The following PRDM15 variants were observed in gnomAD, a reference collection of about 807,000 sequenced individuals.
PRDM15 encodes the protein PR/SET domain 15.
A neutral mutation model predicts 128.6 loss-of-function variants in PRDM15; 64 were observed. The observed-to-expected ratio is 0.50, with a 90% confidence interval of 0.41 to 0.61. PRDM15 has a LOEUF of 0.61. Among genes scored for constraint, PRDM15 ranks in the 20% least tolerant of loss-of-function variants. The pLI is 0.00. For synonymous variants in PRDM15, 615 were observed against 621.8 expected (o/e 0.99, Z 0.16); for missense variants, 1,242 against 1,569.1 (o/e 0.79, Z 3.52).
chr21:41,839,541 T>TCTGCCCC (rs1238274263), intron 7 of PRDM15, 82 bp downstream of exon 7: 2 of 766,992 alleles, frequency 2.6e-6, no homozygotes, highest in Non-Finnish European at 4.3e-6. Context: ...CGCCCCGCCC[T>TCTGCCCC]CTGCCCCCTG....
chr21:41,808,744 T>G (rs1262398460), intron 21 of PRDM15, among the ~76,000 whole-genome samples: 1 of 152,210 alleles, frequency 6.6e-6, no homozygotes, highest in Non-Finnish European at 1.5e-5. Context: ...GTGCACAACG[T>G]ATACTGCTCT....
In PRDM15 at chr21:41,828,386, C is replaced by G; in HGVS notation, c.1367-53G>C. 9 of 1,592,534 alleles carry G rather than the reference C, an allele frequency of 5.7e-6. No homozygotes were observed. Among genetic ancestry groups the G allele is most frequent in the Non-Finnish European group, 6.9e-6 (8 of 1,163,452 alleles). On this transcript the variant is annotated intron_variant, in intron 11 of 23. Coordinates refer to ENST00000398548, the MANE Select transcript of PRDM15 (RefSeq NM_001040424.3). This position sits in a 1 kb window ranked among gnomAD's most constrained non-coding sequence, Gnocchi z 5.7. Reference sequence around the variant, plus strand: ...CGATTTTGAGGTAAATAACATCTCACGCAGGCACGCACGTGTGGCCTGAAC... The same window carrying G: ...CGATTTTGAGGTAAATAACATCTCAGGCAGGCACGCACGTGTGGCCTGAAC...
At chr21:41,847,815 T>G (rs2063314316) in intron 5 of PRDM15, among the ~76,000 whole-genome samples, 1 of 152,248 alleles carries the variant, frequency 6.6e-6, no homozygotes, top group Non-Finnish European at 1.5e-5. Context: ...GGGGCCGCTA[T>G]CCCAGGAAGC....
chr21:41,803,518 G>A (rs888561080), intron 22 of PRDM15, among the ~76,000 whole-genome samples: 1 of 152,184 alleles, frequency 6.6e-6, no homozygotes, highest in Non-Finnish European at 1.5e-5. Flanking sequence ...CAGAGGCCGC[G>A]GGGCAGTGGT....
intron 2 of PRDM15, among the ~76,000 whole-genome samples, chr21:41,860,033 A>T (rs962520462): frequency 6.6e-6 from 1 of 152,184 alleles, no homozygotes; most frequent in Non-Finnish European, 1.5e-5. Context: ...GGCCAATGTT[A>T]GCAGGTTCAT....
At chr21:41,869,888 C>T (rs12151990) in intron 1 of PRDM15, among the ~76,000 whole-genome samples, 26,926 of 152,246 alleles carry the variant, frequency 0.18, 2,684 homozygotes, top group Middle Eastern at 0.24. Flanking sequence ...CTGGCTTCTG[C>T]GCCTCTGTCA....
chr21:41,847,325 G>A (rs2063297956), intron 5 of PRDM15, 134 bp from the exon 6 acceptor site: 3 of 613,560 alleles, frequency 4.9e-6, no homozygotes, highest in Non-Finnish European at 8.6e-6. Context: ...ACGGGCCTGT[G>A]GTCACTCCAC....
intron 1 of PRDM15, chr21:41,871,740 C>G: frequency 8.8e-7 from 1 of 1,130,102 alleles, no homozygotes; most frequent in Non-Finnish European, 1.2e-6. Context: ...GACAGCCAAT[C>G]AGCAGCCTCC....
At chr21:41,852,424 C>A (rs1261092581) in intron 5 of PRDM15, among the ~76,000 whole-genome samples, 1 of 152,222 alleles carries the variant, frequency 6.6e-6, no homozygotes, top group African/African-American at 2.4e-5. Flanking sequence ...CCCAGCCTCG[C>A]AGGACTTGGA....
intron 1 of PRDM15, among the ~76,000 whole-genome samples, chr21:41,863,929 C>T (rs1253942663): frequency 2.0e-5 from 3 of 152,002 alleles, no homozygotes; most frequent in Admixed American, 6.5e-5. Flanking sequence ...CGGCAACCTC[C>T]GCCTCCCAAG....
chr21:41,857,153 T>C, intron 4 of PRDM15, 23 bp downstream of exon 4: 1 of 1,596,420 alleles, frequency 6.3e-7, no homozygotes, highest in Non-Finnish European at 8.6e-7. Context: ...GTTCCTGAGC[T>C]CCTGTTTGGC....
At chr21:41,825,048 G>A (rs2062420726) in intron 13 of PRDM15, among the ~76,000 whole-genome samples, 1 of 152,226 alleles carries the variant, frequency 6.6e-6, no homozygotes, top group Non-Finnish European at 1.5e-5. Context: ...AAAGCCACTT[G>A]AGCGACGTGC....
chr21:41,815,840 C>G lies in PRDM15; in HGVS notation c.2261-4G>C. 1 of 1,613,030 alleles carries G rather than the reference C, an allele frequency of 6.2e-7. No individual in the cohort carries two copies. Among genetic ancestry groups the G allele is most frequent in the Non-Finnish European group, 8.5e-7 (1 of 1,179,814 alleles). ...AGCGCGTGCTTGGTCTTCATGCCTT[C>G]AAGGACACAGCGAGTCAGAGGCGGC... On this transcript the variant is annotated splice_polypyrimidine_tract_variant and splice_region_variant and intron_variant, in intron 18 of 23. Coordinates refer to ENST00000398548, the MANE Select transcript of PRDM15 (RefSeq NM_001040424.3).
chr21:41,804,561 G>A lies in PRDM15; in HGVS notation c.2706C>T (p.Ile902=), dbSNP rs143284535. 5.2e-5 allele frequency: 81 copies of A among 1,571,046 alleles called. No individual in the cohort carries two copies. Among genetic ancestry groups the A allele is most frequent in the East Asian group, 2.3e-4 (10 of 43,190 alleles). The change falls in exon 22 of 24, where the codon ATC becomes ATT. Residue 902 remains isoleucine, a synonymous_variant. Coordinates refer to ENST00000398548, the MANE Select transcript of PRDM15 (RefSeq NM_001040424.3). The stretch of plus-strand genomic sequence containing the variant: ...GGACGATGCCAATGGAGGAGGCGTC[G>A]ATGGTGGTGGTCTCCGGGAGGTGGT... ...DLDHLPETTT[I]DASSIGIVQP...
intron 1 of PRDM15, among the ~76,000 whole-genome samples, chr21:41,866,502 G>C (rs1347694570): frequency 6.6e-6 from 1 of 152,186 alleles, no homozygotes. Context: ...TGGCCAGGCC[G>C]CTGCCTTCCC....
Position 41,879,098 on chromosome 21 carries a change from C to A in PRDM15, c.-10+172G>T. The A allele has an allele frequency of 9.0e-7, 1 of 1,116,766 alleles. No individual in the cohort carries two copies. The highest frequency in any genetic ancestry group is 1.7e-5 in the African/African-American group (1 of 58,988). 69.2% of individuals were successfully genotyped at this position (1,116,766 alleles called of 1,614,324 possible). On this transcript the variant is annotated intron_variant, in intron 1 of 23. Transcript: ENST00000398548. The surrounding 1 kb of genome is among the most constrained non-coding windows in gnomAD (Gnocchi z 5.1). ...CGGTGCCCGCAGCCGGCGAATGTAA[C>A]AAAGAACAGTCGGCATGGCGGCTGG...
At chr21:41,819,978 C>T in intron 17 of PRDM15, 117 bp downstream of exon 17, 1 of 884,806 alleles carries the variant, frequency 1.1e-6, no homozygotes. Context: ...CAGAGGAAGG[C>T]ATGGGGGAGG....
intron 1 of PRDM15, among the ~76,000 whole-genome samples, chr21:41,875,699 T>A (rs1489107008): frequency 1.3e-5 from 2 of 152,218 alleles, no homozygotes; most frequent in African/African-American, 2.4e-5. Flanking sequence ...AAACCCAACG[T>A]TATATATTCA....
chr21:41,800,101 T>C lies in PRDM15; in HGVS notation c.*1139A>G, dbSNP rs1261889492. The C allele has an allele frequency of 6.6e-6, 1 of 152,278 alleles. No homozygotes were observed. The highest frequency in any genetic ancestry group is 2.4e-5 in the African/African-American group (1 of 41,472). 9.4% of individuals were successfully genotyped at this position (152,278 alleles called of 1,614,324 possible). The stretch of plus-strand genomic sequence containing the variant: ...CAGGAAATAGCATTTTCTCTGTGTT[T>C]CAGAAATACCTACACTTTTCCATTG... On this transcript the variant is annotated 3_prime_UTR_variant, in exon 24 of 24. Coordinates refer to ENST00000398548, the MANE Select transcript of PRDM15 (RefSeq NM_001040424.3).
Sources: gnomAD v4.1 joint callset for allele counts (sites outside exome capture counted in the v4.1 genomes callset) on GRCh38, gnomAD v4.1.1 for gene constraint, Gnocchi (gnomAD v3.1) non-coding constraint, MANE v1.5 for transcripts, NCBI Gene and HGNC (gene_info 2026-07-23, HGNC 2026-07-21) for gene names.